GSDME: variants seen among roughly 807,000 people sequenced by gnomAD.
GSDME encodes gasdermin E.
A neutral mutation model predicts 47.5 loss-of-function variants in GSDME; 44 were observed. The observed-to-expected ratio is 0.93, with a 90% confidence interval of 0.73 to 1.19. The LOEUF is 1.19. Among genes scored for constraint, GSDME ranks in the 50% most tolerant of loss-of-function variants. The pLI is 0.00. For missense variants in GSDME, 663 were observed against 604.2 expected (o/e 1.10, Z -1.02); for synonymous variants, 258 against 252.8 (o/e 1.02, Z -0.20).
Position 24,716,713 on chromosome 7 carries a change from G to C in GSDME, c.697+541C>G, listed in dbSNP as rs868676476. On this transcript the variant is annotated intron_variant, in intron 5 of 9. Transcript: ENST00000645220. This position sits in a 1 kb window ranked among gnomAD's most constrained non-coding sequence, Gnocchi z 4.5. The stretch of plus-strand genomic sequence containing the variant: ...ATGTCTGGCTTCATACTTGTGGAGA[G>C]GAGGTGGGGTAACAATAATGATGAT... 5.9e-6 allele frequency: 1 copy of C among 170,032 alleles called. No homozygotes were observed. The highest frequency in any genetic ancestry group is 1.3e-5 in the Non-Finnish European group (1 of 77,726). 10.5% of individuals were successfully genotyped at this position (170,032 alleles called of 1,614,324 possible).
At chr7:24,748,578 T>G (rs1790754303) in intron 2 of GSDME, among the ~76,000 whole-genome samples, 2 of 152,352 alleles carry the variant, frequency 1.3e-5, no homozygotes, top group South Asian at 2.1e-4. Context: ...ATTTTCTTCT[T>G]CATCCCTTTC....
intron 2 of GSDME, among the ~76,000 whole-genome samples, chr7:24,748,144 GTA>G (rs149368687): frequency 1.2e-3 from 170 of 140,922 alleles, no homozygotes; most frequent in Non-Finnish European, 1.2e-3. Context: ...ATTATATAGA[GTA>G]TATATATATA....
At position 24,702,795 on chromosome 7, in the gene GSDME, A is replaced by C. The variant is rs764113384; in HGVS notation, c.1222T>G (p.Cys408Gly). ...DSAAALLGTC[C>G]KLQIIPTLCH... ...AGTGTGGGAATGATCTGGAGTTTGCAGCAAGTGCCCAGCAGAGCTGCTGCG... is the reference window on the plus strand; with the variant it reads ...AGTGTGGGAATGATCTGGAGTTTGCCGCAAGTGCCCAGCAGAGCTGCTGCG... Residue 408 changes from cysteine (C) to glycine (G), a missense_variant, in exon 9 of 10, where the codon TGC (cysteine) becomes GGC (glycine). Physicochemically the swap from Cys to Gly is radical, Grantham distance 159. Transcript: ENST00000645220. 2.5e-6 allele frequency: 4 copies of C among 1,613,540 alleles called. No individual in the cohort carries two copies. In the African/African-American group the frequency reaches 5.3e-5, roughly 22 times the overall value.
Position 24,739,832 on chromosome 7 carries a change from C to T in GSDME, c.404+4730G>A, listed in dbSNP as rs370707849. Among the ~76,000 whole-genome samples the T allele has an allele frequency of 1.2e-4, 19 of 152,196 alleles. No individual in the cohort carries two copies. The highest frequency in any genetic ancestry group is 3.6e-4 in the African/African-American group (15 of 41,518). ...ATCCTGGGCTGGGCGCAGTGGCTCA[C>T]GCCCATAATCCTAGCACTTTGGGAG... On this transcript the variant is annotated intron_variant, in intron 3 of 9. Coordinates refer to ENST00000645220, the MANE Select transcript of GSDME (RefSeq NM_001127453.2). This position sits in a 1 kb window ranked among gnomAD's most constrained non-coding sequence, Gnocchi z 5.1.
At chr7:24,711,664 AATGAGCTGGGCATGG>A (rs1330258806) in intron 5 of GSDME, among the ~76,000 whole-genome samples, 2 of 152,074 alleles carry the variant, frequency 1.3e-5, no homozygotes, top group African/African-American at 4.8e-5. Flanking sequence ...AAAAATTTAA[AATGAGCTGGGCATGG>A]TCACACATGC....
At chr7:24,708,760 A>T (rs538303943) in intron 6 of GSDME, among the ~76,000 whole-genome samples, 2 of 152,182 alleles carry the variant, frequency 1.3e-5, no homozygotes, top group Non-Finnish European at 1.5e-5. Flanking sequence ...CCCTATTTTC[A>T]TGGCAAGCAC....
At chr7:24,782,039 C>A in the GSDME span, among the ~76,000 whole-genome samples, 1 of 152,118 alleles carries the variant, frequency 6.6e-6, no homozygotes, top group African/African-American at 2.4e-5. Context: ...AGCCACAGCA[C>A]CCAGCCCAAA....
chr7:24,715,118 G>T (rs547458053), intron 5 of GSDME, among the ~76,000 whole-genome samples: 16 of 152,178 alleles, frequency 1.1e-4, no homozygotes, highest in Non-Finnish European at 1.0e-4. Flanking sequence ...ACAAAAAGAT[G>T]CATATCACAT....
intron 3 of GSDME, among the ~76,000 whole-genome samples, chr7:24,727,634 A>G (rs1790011797): frequency 6.6e-6 from 1 of 152,270 alleles, no homozygotes; most frequent in African/African-American, 2.4e-5. Flanking sequence ...GTCCACAGAC[A>G]TTGCCTGTAA....
At chr7:24,701,429 G>A (rs1331118898) in intron 9 of GSDME, among the ~76,000 whole-genome samples, 1 of 152,340 alleles carries the variant, frequency 6.6e-6, no homozygotes, top group East Asian at 1.9e-4. Context: ...GAGCTGATCT[G>A]CAGGGAGGAG....
At chr7:24,717,400 C>A in intron 4 of GSDME, 26 bp from the exon 5 acceptor site, 1 of 1,614,108 alleles carries the variant, frequency 6.2e-7, no homozygotes, top group Non-Finnish European at 8.5e-7. Context: ...CACACTCCCA[C>A]CTGTGCACTC....
Position 24,706,310 on chromosome 7 carries a change from G to C in GSDME, c.1057C>G (p.Gln353Glu), listed in dbSNP as rs944019323. The C allele has an allele frequency of 6.2e-7, 1 of 1,613,864 alleles. No homozygotes were observed. The highest frequency in any genetic ancestry group is 8.5e-7 in the Non-Finnish European group (1 of 1,180,000). Residue 353 changes from glutamine (Q) to glutamate (E), a missense_variant, in exon 8 of 10, where the codon CAG becomes GAG. By Grantham distance (29) the Gln-to-Glu change is conservative (BLOSUM62 2). Coordinates refer to ENST00000645220, the MANE Select transcript of GSDME (RefSeq NM_001127453.2). ...TGCAGGAAGGCCACAAGGTCCTGCT[G>C]CTGCCGGGGCTTCAGCTCCCCCAGC... ...AVLGELKPRQ[Q>E]QDLVAFLQLV...
Position 24,732,652 on chromosome 7 carries a change from C to A in GSDME, c.404+11910G>T, listed in dbSNP as rs938853499. On this transcript the variant is annotated intron_variant, in intron 3 of 9. Transcript: ENST00000645220. The surrounding 1 kb of genome is among the most constrained non-coding windows in gnomAD (Gnocchi z 4.8). Reference sequence around the variant, plus strand: ...GAGGGAGAGCACAGCAACTGTGGGACTTTGCATGGAACTCAGTGCTGCCAA... The same window carrying A: ...GAGGGAGAGCACAGCAACTGTGGGAATTTGCATGGAACTCAGTGCTGCCAA... Among the ~76,000 whole-genome samples, 7 of 152,182 alleles carry A rather than the reference C, an allele frequency of 4.6e-5. No individual in the cohort carries two copies. The highest frequency in any genetic ancestry group is 7.3e-5 in the Non-Finnish European group (5 of 68,040).
At chr7:24,787,938 C>T in the GSDME span, among the ~76,000 whole-genome samples, 1 of 152,164 alleles carries the variant, frequency 6.6e-6, no homozygotes, top group South Asian at 2.1e-4. This position sits in a 1 kb window ranked among gnomAD's most constrained non-coding sequence, Gnocchi z 5.0. Flanking sequence ...AACTCTTGGC[C>T]TTGTGACCTG....
At chr7:24,782,783 A>G in the GSDME span, among the ~76,000 whole-genome samples, 13 of 152,134 alleles carry the variant, frequency 8.5e-5, no homozygotes, top group Admixed American at 2.0e-4. Flanking sequence ...ATGGTATCTC[A>G]TTGTGGTTTT....
At chr7:24,794,165 CTTCT>C in the GSDME span, among the ~76,000 whole-genome samples, 9 of 149,868 alleles carry the variant, frequency 6.0e-5, no homozygotes, top group Admixed American at 2.6e-4. Flanking sequence ...CTTTGACTTC[CTTCT>C]GTCTCTGTCT....
chr7:24,786,884 T>C, the GSDME span, among the ~76,000 whole-genome samples: 2 of 152,162 alleles, frequency 1.3e-5, no homozygotes, highest in East Asian at 3.8e-4. The surrounding 1 kb of genome is among the most constrained non-coding windows in gnomAD (Gnocchi z 5.5). Context: ...TCATGCACAG[T>C]TGCTTTTGGA....
Position 24,716,873 on chromosome 7 carries a change from G to C in GSDME, c.697+381C>G, listed in dbSNP as rs983231845. The C allele has an allele frequency of 7.1e-5, 22 of 312,010 alleles. No homozygotes were observed. Among genetic ancestry groups the C allele is most frequent in the African/African-American group, 4.5e-4 (21 of 46,816 alleles). 19.3% of individuals were successfully genotyped at this position (312,010 alleles called of 1,614,324 possible). A position where few individuals can be genotyped will look rare whatever the true frequency, so the allele number is the denominator to read the frequency against. On this transcript the variant is annotated intron_variant, in intron 5 of 9. Transcript: ENST00000645220. This position sits in a 1 kb window ranked among gnomAD's most constrained non-coding sequence, Gnocchi z 4.5. The stretch of plus-strand genomic sequence containing the variant: ...CACCTTCCAGAGACAGGGAAGCCAA[G>C]ACTCAGCAAGATTCAGCAACTTGCC...
At position 24,698,916 on chromosome 7, in the gene GSDME, A is replaced by G; in HGVS notation, c.*110T>C. ...CATGCAAAATGTCACCACTTCTTAAACTGTTCTGTAAATTCATTTCATTGG... is the reference window on the plus strand; with the variant it reads ...CATGCAAAATGTCACCACTTCTTAAGCTGTTCTGTAAATTCATTTCATTGG... On this transcript the variant is annotated 3_prime_UTR_variant, in exon 10 of 10. Transcript: ENST00000645220. The G allele has an allele frequency of 2.4e-6, 2 of 828,354 alleles. No homozygotes were observed. The highest frequency in any genetic ancestry group is 4.1e-6 in the Non-Finnish European group (2 of 490,242). The allele number at this position is 828,354 out of a possible 1,614,324, so 51.3% of individuals were successfully genotyped here.
Sources: gnomAD v4.1 joint callset for allele counts (sites outside exome capture counted in the v4.1 genomes callset) on GRCh38, gnomAD v4.1.1 for gene constraint, Gnocchi (gnomAD v3.1) non-coding constraint, MANE v1.5 for transcripts, NCBI Gene and HGNC (gene_info 2026-07-23, HGNC 2026-07-21) for gene names.